DLGAP2: variants seen among roughly 807,000 people sequenced by gnomAD.
DLGAP2 encodes the protein disks large-associated protein 2.
Under a neutral mutation model 100.3 loss-of-function variants are expected in DLGAP2, and 26 were observed. The observed-to-expected ratio is 0.26, with a 90% CI of 0.19 to 0.36. DLGAP2 has a LOEUF of 0.36. DLGAP2 is among the 10% of genes least tolerant of loss of function. DLGAP2 has a pLI of 1.00. For synonymous variants in DLGAP2, 886 were observed against 630.1 expected, an observed-to-expected ratio of 1.41 and a Z score of -6.08; for missense variants, 1,858 against 1,453.2, an observed-to-expected ratio of 1.28 and a Z score of -4.53.
At chr8:1,547,413 C>T (rs1801578953) in intron 4 of DLGAP2, among the ~76,000 whole-genome samples, 1 of 151,202 alleles carries the variant, frequency 6.6e-6, no homozygotes, top group Non-Finnish European at 1.5e-5. Context: ...TGGGTGGAGG[C>T]AGGGGGAGAG....
chr8:1,267,445 A>G (rs1208583983), intron 3 of DLGAP2, among the ~76,000 whole-genome samples: 1 of 149,514 alleles, frequency 6.7e-6, no homozygotes, highest in African/African-American at 2.5e-5. Context: ...GGGCGCCTGT[A>G]ACCCCAGCTA....
At chr8:1,229,056 A>T (rs764337854) in intron 2 of DLGAP2, among the ~76,000 whole-genome samples, 1 of 152,232 alleles carries the variant, frequency 6.6e-6, no homozygotes, top group Non-Finnish European at 1.5e-5. Context: ...TATTAGAAAT[A>T]ATAACTGAAT....
At chr8:855,313 C>T (rs1797256631) in intron 1 of DLGAP2, among the ~76,000 whole-genome samples, 2 of 149,328 alleles carry the variant, frequency 1.3e-5, no homozygotes, top group Admixed American at 7.2e-5. Context: ...TCTATTAATT[C>T]ATGTGCTCCC....
intron 6 of DLGAP2, chr8:1,604,825 A>G (rs1432009293): frequency 1.3e-5 from 2 of 152,218 alleles, no homozygotes; most frequent in Non-Finnish European, 2.9e-5. Context: ...ACTCAAACAT[A>G]AATGGCTTAG....
At chr8:803,932 T>G (rs1796218266) in intron 1 of DLGAP2, among the ~76,000 whole-genome samples, 2 of 152,218 alleles carry the variant, frequency 1.3e-5, no homozygotes, top group Non-Finnish European at 2.9e-5. Flanking sequence ...AGATTATGGA[T>G]AGAAAGATGT....
chr8:1,241,373 G>A (rs191630956), intron 2 of DLGAP2, among the ~76,000 whole-genome samples: 28 of 151,578 alleles, frequency 1.8e-4, no homozygotes, highest in African/African-American at 6.1e-4. Context: ...TCTCTCACAT[G>A]GCGCCGTGTC....
At chr8:1,414,034 A>C (rs906238259) in intron 3 of DLGAP2, among the ~76,000 whole-genome samples, 9 of 152,204 alleles carry the variant, frequency 5.9e-5, no homozygotes, top group African/African-American at 2.2e-4. Flanking sequence ...GTGGACACTT[A>C]GTGACATGCC....
At chr8:778,349 C>T (rs1047702928) in intron 1 of DLGAP2, among the ~76,000 whole-genome samples, 1 of 152,260 alleles carries the variant, frequency 6.6e-6, no homozygotes, top group African/African-American at 2.4e-5. Context: ...CTCAGCTCGT[C>T]AAAGTCATTC....
chr8:1,469,374 C>T (rs1452227684), intron 3 of DLGAP2, among the ~76,000 whole-genome samples: 1 of 152,234 alleles, frequency 6.6e-6, no homozygotes, highest in African/African-American at 2.4e-5. Context: ...CTCCTAGGAG[C>T]CGGCTGTTAA....
At chr8:1,167,361 C>T (rs547949605) in intron 2 of DLGAP2, among the ~76,000 whole-genome samples, 1 of 152,208 alleles carries the variant, frequency 6.6e-6, no homozygotes, top group African/African-American at 2.4e-5. Flanking sequence ...CAGTGTACCT[C>T]ACAGGGAGTT....
intron 6 of DLGAP2, among the ~76,000 whole-genome samples, chr8:1,588,387 C>T (rs910659332): frequency 6.6e-6 from 1 of 152,124 alleles, no homozygotes; most frequent in African/African-American, 2.4e-5. Flanking sequence ...CGGTGCTAAC[C>T]TTGAAGCAGC....
chr8:1,036,053 C>T (rs1401677290), intron 2 of DLGAP2, among the ~76,000 whole-genome samples: 1 of 116,978 alleles, frequency 8.5e-6, no homozygotes, highest in Admixed American at 8.9e-5. Flanking sequence ...CTCATCCCGA[C>T]CCCGCGTGTC....
intron 3 of DLGAP2, chr8:1,297,190 A>G (rs1446317447): frequency 6.6e-6 from 1 of 152,226 alleles, no homozygotes. Context: ...AGCGATGAGA[A>G]TGACATGGAC....
intron 3 of DLGAP2, among the ~76,000 whole-genome samples, chr8:1,331,226 G>T (rs1224826366): frequency 6.6e-6 from 1 of 152,214 alleles, no homozygotes; most frequent in Non-Finnish European, 1.5e-5. Flanking sequence ...TGTGCTAGTT[G>T]AAGCCATACT....
chr8:872,706 A>T (rs892045324), intron 1 of DLGAP2, among the ~76,000 whole-genome samples: 1 of 152,178 alleles, frequency 6.6e-6, no homozygotes, highest in Non-Finnish European at 1.5e-5. Flanking sequence ...AAAGTGTACA[A>T]TCCGCTGGCT....
At chr8:1,435,527 G>A (rs976962499) in intron 3 of DLGAP2, among the ~76,000 whole-genome samples, 1 of 152,138 alleles carries the variant, frequency 6.6e-6, no homozygotes, top group African/African-American at 2.4e-5. Flanking sequence ...CGGAAGTGTA[G>A]CCGTAGAGGG....
At chr8:1,503,567 C>T (rs1799798536) in intron 4 of DLGAP2, among the ~76,000 whole-genome samples, 1 of 152,132 alleles carries the variant, frequency 6.6e-6, no homozygotes, top group Non-Finnish European at 1.5e-5. Flanking sequence ...AATGGTACTG[C>T]TGTGAACACG....
At chr8:917,890 C>A (rs955674390) in intron 2 of DLGAP2, among the ~76,000 whole-genome samples, 1 of 152,094 alleles carries the variant, frequency 6.6e-6, no homozygotes, top group Admixed American at 6.5e-5. Flanking sequence ...CCAGAGTATT[C>A]TTTTGTGAGG....
At chr8:1,153,736 C>T (rs1474290312) in intron 2 of DLGAP2, among the ~76,000 whole-genome samples, 2 of 152,160 alleles carry the variant, frequency 1.3e-5, no homozygotes, top group African/African-American at 4.8e-5. Context: ...ATGTCATTAG[C>T]TCTGCTTAGC....
Sources: gnomAD v4.1 joint callset for allele counts (sites outside exome capture counted in the v4.1 genomes callset) on GRCh38, gnomAD v4.1.1 for gene constraint, MANE v1.5 for transcripts, NCBI Gene and HGNC (gene_info 2026-07-23, HGNC 2026-07-21) for gene names.